CCDC154: variants seen among roughly 807,000 people sequenced by gnomAD.
CCDC154 encodes coiled-coil domain containing 154.
Under a neutral mutation model 87.5 loss-of-function variants are expected in CCDC154, and 91 were observed. The ratio of observed to expected loss-of-function variants is 1.04; its 90% confidence interval spans 0.88 to 1.24. The LOEUF (loss-of-function observed/expected upper bound fraction) is 1.24. Ranked by LOEUF, CCDC154 falls within the 50% of genes most tolerant of loss-of-function variation. The probability of loss-of-function intolerance (pLI) is 0.00; values close to 1 mark genes in which losing one functional copy is unlikely to be tolerated. For missense variants in CCDC154, 903 were observed against 879.2 expected, an observed-to-expected ratio of 1.03 and a Z score of -0.34; for synonymous variants, 418 against 400.4, an observed-to-expected ratio of 1.04 and a Z score of -0.52.
chr16:1,444,371 T>C lies in CCDC154; in HGVS notation c.-49A>G, dbSNP rs1436643943. 6 of 1,060,498 alleles carry C rather than the reference T, an allele frequency of 5.7e-6. No individual in the cohort carries two copies. The highest frequency in any genetic ancestry group is 7.5e-6 in the Non-Finnish European group (6 of 799,192). 65.7% of individuals were successfully genotyped at this position (1,060,498 alleles called of 1,614,324 possible). ...CCTGCCCTCGGCTGTAGCTTGGGCC[T>C]TGGGGCCTCTGAGGTTGCCCAGAGC... is the stretch of plus-strand genomic sequence containing the variant. On this transcript the variant is annotated 5_prime_UTR_variant, in exon 1 of 17. Coordinates refer to ENST00000389176, the MANE Select transcript of CCDC154 (RefSeq NM_001143980.3).
chr16:1,438,996 G>C (rs1465407778), intron 7 of CCDC154, 29 bp downstream of exon 7: 311 of 1,549,890 alleles, frequency 2.0e-4, no homozygotes, highest in Non-Finnish European at 2.6e-4. Flanking sequence ...AAGGGGGGCA[G>C]GGCAGGCCAG....
Position 1,442,256 on chromosome 16 carries a change from T to A in CCDC154, c.675+150A>T. The A allele has an allele frequency of 3.1e-6, 3 of 980,198 alleles. No homozygotes were observed. The South Asian group carries it at 6.2e-5, about 20-fold the overall frequency. 60.7% of individuals were successfully genotyped at this position (980,198 alleles called of 1,614,324 possible). On this transcript the variant is annotated intron_variant, in intron 6 of 16. Transcript: ENST00000389176. ...AATGGGGCATGTGCGGCTGAGGAAT[T>A]GAGTTTTACATTGTCTACAACTATA...
intron 14 of CCDC154, chr16:1,435,408 G>A (rs574633920): frequency 1.7e-4 from 95 of 571,146 alleles, no homozygotes; most frequent in Non-Finnish European, 2.3e-4. Flanking sequence ...TCCGGCCCTC[G>A]TGGCTGCGGA....
chr16:1,440,145 G>GAAAA (rs35755175), intron 6 of CCDC154, among the ~76,000 whole-genome samples: 17 of 102,316 alleles, frequency 1.7e-4, no homozygotes, highest in African/African-American at 5.1e-4. Flanking sequence ...GAGACTGTCA[G>GAAAA]AAAAAAAAAA....
chr16:1,438,896 C>T lies in CCDC154; in HGVS notation c.825G>A (p.Leu275=). The change falls in exon 8 of 17, where the codon CTG becomes CTA. Residue 275 remains leucine (L), a synonymous_variant. Coordinates refer to ENST00000389176, the MANE Select transcript of CCDC154 (RefSeq NM_001143980.3). ...ESSRLKLEGS[L]RGELESRWEK... The stretch of plus-strand genomic sequence containing the variant: ...CCCACCGGCTCTCCAGCTCGCCCCG[C>T]AGGCTGCCCTCCAGCTTCAGCCGTG... 1.3e-6 allele frequency: 2 copies of T among 1,549,686 alleles called. No homozygotes were observed. The highest frequency in any genetic ancestry group is 1.7e-6 in the Non-Finnish European group (2 of 1,146,694).
At chr16:1,439,554 G>A (rs2038533307) in intron 6 of CCDC154, among the ~76,000 whole-genome samples, 1 of 151,534 alleles carries the variant, frequency 6.6e-6, no homozygotes, top group South Asian at 2.1e-4. Context: ...GAAGGGGAGG[G>A]GAGGGGGGAG....
At chr16:1,442,308 G>T in intron 6 of CCDC154, 98 bp downstream of exon 6, 1 of 1,315,222 alleles carries the variant, frequency 7.6e-7, no homozygotes, top group Non-Finnish European at 1.0e-6. Context: ...ACAGATACAT[G>T]GTGAACGGCC....
rs1178431371 is a variant in CCDC154, at chr16:1,442,434, C to G, written c.647G>C (p.Arg216Thr). 1.9e-6 allele frequency: 3 copies of G among 1,549,936 alleles called. No homozygotes were observed. Among genetic ancestry groups the G allele is most frequent in the East Asian group, 2.4e-5 (1 of 40,894 alleles). The change falls in exon 6 of 17, where the codon AGG (arginine) becomes ACG (threonine). Residue 216 changes from arginine to threonine, a missense_variant. By Grantham distance (71) the Arg-to-Thr change is moderately conservative. Coordinates refer to ENST00000389176, the MANE Select transcript of CCDC154 (RefSeq NM_001143980.3). ...CATTCTGGCCACCTCCAGGTCCACC[C>G]TCCGGCTGCTGTCCTCTTGGTTCTT... ...LQKNQEDSSRRVDLEVARMQA... is the reference protein window; with the variant it reads ...LQKNQEDSSRTVDLEVARMQA...
In CCDC154 at chr16:1,434,691, GCAGTTCATGGGCA is replaced by G. The variant is rs774051185; in HGVS notation, c.1841_1853del (p.Val614AlafsTer8). The G allele has an allele frequency of 5.8e-6, 9 of 1,546,664 alleles. No individual in the cohort carries two copies. Among genetic ancestry groups the G allele is most frequent in the Non-Finnish European group, 7.8e-6 (9 of 1,146,772 alleles). On this transcript the variant is annotated frameshift_variant, in exon 16 of 17. Transcript: ENST00000389176. LOFTEE classifies it low-confidence loss of function (END_TRUNC). ...ACCTCACAGCCTGGTACACGCCCCA[GCAGTTCATGGGCA>G]CCACCTTGCCAGGCGCCATGTCCTT...
chr16:1,436,640 C>T, intron 12 of CCDC154, 52 bp downstream of exon 12: 2 of 1,547,008 alleles, frequency 1.3e-6, no homozygotes, highest in Non-Finnish European at 1.7e-6. Context: ...AGAAGGGTCC[C>T]ACGCCACCTC....
rs770207986 is a variant in CCDC154, at chr16:1,443,510, G to A, written c.410C>T (p.Pro137Leu). The part of the protein sequence containing the change: ...PAAQAPEKEA[P>L]EFSGLQNQMQ... ...GTGGGTGGGGGAGCCGCTCACCTCC[G>A]GCGCCTCCTTTTCGGGGGCCTGGGC... Residue 137 changes from proline (P) to leucine (L), a missense_variant, in exon 3 of 17, where the codon CCG becomes CTG. Coordinates refer to ENST00000389176, the MANE Select transcript of CCDC154 (RefSeq NM_001143980.3). 1.2e-5 allele frequency: 17 copies of A among 1,470,348 alleles called. No individual in the cohort carries two copies. Among genetic ancestry groups the A allele is most frequent in the South Asian group, 6.9e-5 (5 of 72,962 alleles). 91.1% of individuals were successfully genotyped at this position (1,470,348 alleles called of 1,614,324 possible).
Position 1,434,480 on chromosome 16 carries a change from T to A in CCDC154, c.1932A>T (p.Gly644=). Residue 644 remains glycine (G), a synonymous_variant, in exon 17 of 17, where the codon GGA becomes GGT. Transcript: ENST00000389176. ...GGCTGTGGGGCTTCTCCAGGACCCC[T>A]CCTGGCCTCCGCAGGGCCCTGAGCT... ...LIKLRALRRP[G]GVLEKPHSQE... 1 of 1,549,918 alleles carries A rather than the reference T, an allele frequency of 6.5e-7. No individual in the cohort carries two copies. Among genetic ancestry groups the A allele is most frequent in the Non-Finnish European group, 8.7e-7 (1 of 1,146,792 alleles).
At chr16:1,438,999 C>A (rs2038527694) in intron 7 of CCDC154, 26 bp downstream of exon 7, 3 of 1,549,990 alleles carry the variant, frequency 1.9e-6, no homozygotes, top group Non-Finnish European at 2.6e-6. Context: ...GGGGGCAGGG[C>A]AGGCCAGCCG....
chr16:1,438,317 A>G (rs1173788109), intron 9 of CCDC154, 141 bp from the exon 10 acceptor site: 11 of 1,092,968 alleles, frequency 1.0e-5, no homozygotes, highest in Non-Finnish European at 1.4e-5. Flanking sequence ...TCACAGTGCC[A>G]CCAACACGGG....
chr16:1,443,008 AG>A (rs2038568422), intron 4 of CCDC154, 33 bp from the exon 5 acceptor site: 1 of 1,548,274 alleles, frequency 6.5e-7, no homozygotes, highest in Admixed American at 2.0e-5. Context: ...CGAGAGGCCC[AG>A]GCGGGCTGAG....
chr16:1,436,629 G>A (rs2038504553), intron 12 of CCDC154, 63 bp downstream of exon 12: 18 of 1,546,362 alleles, frequency 1.2e-5, no homozygotes, highest in South Asian at 9.5e-5. Flanking sequence ...AAGGTGCAGG[G>A]AGAAGGGTCC....
chr16:1,443,952 A>G lies in CCDC154; in HGVS notation c.68T>C (p.Leu23Pro), dbSNP rs2038584897. 7.7e-7 allele frequency: 1 copy of G among 1,303,452 alleles called. No individual in the cohort carries two copies. Among genetic ancestry groups the G allele is most frequent in the South Asian group, 1.2e-5 (1 of 81,038 alleles). 80.7% of individuals were successfully genotyped at this position (1,303,452 alleles called of 1,614,324 possible). Residue 23 changes from leucine (L) to proline (P), a missense_variant, in exon 2 of 17, where the codon CTG becomes CCG. Leu to Pro is a moderately conservative substitution (Grantham distance 98). Coordinates refer to ENST00000389176, the MANE Select transcript of CCDC154 (RefSeq NM_001143980.3). ...SAPSQLRAVT[L>P]EDLGLLLAGG... ...TGCCAGGAGGAGCCCCAGGTCTTCC[A>G]GGGTGACGGCTCTCAGCTGGGAAGG...
intron 12 of CCDC154, 21 bp from the exon 13 acceptor site, chr16:1,436,542 G>T: frequency 1.9e-6 from 3 of 1,547,886 alleles, no homozygotes; most frequent in African/African-American, 2.7e-5. Flanking sequence ...AGCCGGGAGC[G>T]GCGGGCAGCC....
rs1193955483 is a variant in CCDC154 at position 1,436,478 on chromosome 16, G to A, written c.1454C>T (p.Ser485Leu). 6.5e-7 allele frequency: 1 copy of A among 1,548,986 alleles called. No homozygotes were observed. The highest frequency in any genetic ancestry group is 8.7e-7 in the Non-Finnish European group (1 of 1,146,962). ...SDKCLLHKSD[S>L]DLRISAEGKA... is the part of the protein sequence containing the mutation. ...GCCTTCGGCGGAAATCCTGAGGTCTGAGTCGCTCTTATGAAGCAGGCACTT... is the reference window on the plus strand; with the variant it reads ...GCCTTCGGCGGAAATCCTGAGGTCTAAGTCGCTCTTATGAAGCAGGCACTT... Residue 485 changes from serine to leucine, a missense_variant, in exon 13 of 17, where the codon TCA becomes TTA. Transcript: ENST00000389176.
Sources: gnomAD v4.1 joint callset for allele counts (sites outside exome capture counted in the v4.1 genomes callset) on GRCh38, gnomAD v4.1.1 for gene constraint, MANE v1.5 for transcripts, NCBI Gene and HGNC (gene_info 2026-07-23, HGNC 2026-07-21) for gene names.